The following SPIN1 variants were observed in gnomAD, a reference collection of about 807,000 sequenced individuals.
The protein encoded by SPIN1 is spindlin 1, also known as spindlin-1.
SPIN1 carries 3 observed loss-of-function variants against 26.0 expected under a neutral mutation model. The ratio of observed to expected loss-of-function variants is 0.12; its 90% confidence interval spans 0.05 to 0.30. The LOEUF is 0.30. SPIN1 is among the 10% of genes least tolerant of loss of function. The pLI is 1.00. For missense variants in SPIN1, 126 were observed against 333.4 expected, an observed-to-expected ratio of 0.38 and a Z score of 4.84; for synonymous variants, 101 against 116.5, an observed-to-expected ratio of 0.87 and a Z score of 0.86.
At chr9:88,392,571 GTCTCCTCTCC>G (rs532680299) in intron 1 of SPIN1, among the ~76,000 whole-genome samples, 8 of 151,946 alleles carry the variant, frequency 5.3e-5, no homozygotes, top group Non-Finnish European at 1.0e-4. Context: ...CTTGTTACCT[GTCTCCTCTCC>G]TCTCCTCTCT....
chr9:88,438,106 A>G (rs1419423821), intron 2 of SPIN1, among the ~76,000 whole-genome samples: 2 of 151,868 alleles, frequency 1.3e-5, no homozygotes, highest in Non-Finnish European at 2.9e-5. Context: ...CATCGAGATC[A>G]TGCTGCTGCA....
At chr9:88,398,662 G>A (rs1827121562) in intron 1 of SPIN1, among the ~76,000 whole-genome samples, 1 of 152,000 alleles carries the variant, frequency 6.6e-6, no homozygotes, top group Non-Finnish European at 1.5e-5. Context: ...CGCAACCTCC[G>A]CCTCGTGGGA....
chr9:88,403,171 C>G (rs910868163), intron 1 of SPIN1, among the ~76,000 whole-genome samples: 3 of 151,988 alleles, frequency 2.0e-5, no homozygotes, highest in African/African-American at 7.2e-5. Flanking sequence ...GAGCTTGTTG[C>G]ATATTCTGGA....
At chr9:88,429,449 C>T (rs1192484906) in intron 2 of SPIN1, among the ~76,000 whole-genome samples, 2 of 152,110 alleles carry the variant, frequency 1.3e-5, no homozygotes, top group Admixed American at 1.3e-4. Flanking sequence ...GTTTCCACAG[C>T]CCTGTCCCTG....
chr9:88,455,970 A>G (rs17054145), intron 3 of SPIN1, among the ~76,000 whole-genome samples: 4,061 of 152,288 alleles, frequency 0.027, 140 homozygotes, highest in African/African-American at 0.088. Flanking sequence ...CTTTTTCATG[A>G]TTTTTAATAC....
At chr9:88,463,966 G>C (rs955723188) in intron 4 of SPIN1, among the ~76,000 whole-genome samples, 1 of 152,246 alleles carries the variant, frequency 6.6e-6, no homozygotes, top group East Asian at 1.9e-4. Context: ...CTTCTGAGAC[G>C]ACAGCTAGCT....
At chr9:88,449,428 GT>G (rs564836588) in intron 3 of SPIN1, among the ~76,000 whole-genome samples, 202 of 152,220 alleles carry the variant, frequency 1.3e-3, no homozygotes, top group Non-Finnish European at 2.4e-3. Context: ...CATGCTCACT[GT>G]TTTATAGCAT....
intron 1 of SPIN1, chr9:88,411,269 A>C: frequency 8.5e-7 from 1 of 1,170,060 alleles, no homozygotes. Flanking sequence ...CTCCACCTCC[A>C]CAGTGGCATA....
Position 88,475,335 on chromosome 9 carries a change from TA to T in SPIN1, c.*61del. 1 of 1,546,618 alleles carries T rather than the reference TA, an allele frequency of 6.5e-7. No homozygotes were observed. Among genetic ancestry groups the T allele is most frequent in the Non-Finnish European group, 8.9e-7 (1 of 1,129,678 alleles). On this transcript the variant is annotated 3_prime_UTR_variant, in exon 6 of 6. Transcript: ENST00000375859. ...CTATGAAATGTATTATTTGTAGACATAAAGACTTGATTGCTTTCCAGTTTAA... is the reference window on the plus strand; with the variant it reads ...CTATGAAATGTATTATTTGTAGACATAAGACTTGATTGCTTTCCAGTTTAA...
intron 3 of SPIN1, among the ~76,000 whole-genome samples, chr9:88,456,534 A>G (rs1460138292): frequency 6.6e-6 from 1 of 152,238 alleles, no homozygotes; most frequent in African/African-American, 2.4e-5. Context: ...GCATTGGAAC[A>G]GAAGATGCTC....
At chr9:88,419,163 A>G (rs1031869220) in intron 1 of SPIN1, among the ~76,000 whole-genome samples, 8 of 152,148 alleles carry the variant, frequency 5.3e-5, no homozygotes, top group African/African-American at 1.9e-4. Context: ...ACTTCCTCTT[A>G]AAGCAGCCTT....
intron 1 of SPIN1, chr9:88,411,486 T>G (rs1418624877): frequency 8.6e-6 from 8 of 926,926 alleles, no homozygotes; most frequent in Non-Finnish European, 1.3e-5. Flanking sequence ...AAGAGAGACT[T>G]TAATGATGCT....
chr9:88,418,912 A>C (rs972395795), intron 1 of SPIN1: 1 of 152,214 alleles, frequency 6.6e-6, no homozygotes, highest in African/African-American at 2.4e-5. Context: ...TGAGGAGTGC[A>C]TGACACATAG....
Position 88,475,472 on chromosome 9 carries a change from T to C in SPIN1, c.*195T>C. 2.2e-6 allele frequency: 1 copy of C among 457,394 alleles called. No homozygotes were observed. Among genetic ancestry groups the C allele is most frequent in the Non-Finnish European group, 3.7e-6 (1 of 268,038 alleles). The allele number at this position is 457,394 out of a possible 1,614,324, so 28.3% of individuals were successfully genotyped here. ...AAGCATTTTGTGTAAGGAGAACCCC[T>C]TTCTTTTAAAAGAAGTCTGTCTATT... On this transcript the variant is annotated 3_prime_UTR_variant, in exon 6 of 6. Transcript: ENST00000375859.
At chr9:88,418,242 G>T (rs181907048) in intron 1 of SPIN1, among the ~76,000 whole-genome samples, 1 of 152,230 alleles carries the variant, frequency 6.6e-6, no homozygotes, top group Admixed American at 6.5e-5. Flanking sequence ...ACTTCCTGAG[G>T]CTATCCAGAA....
chr9:88,422,116 T>TA (rs925443544), intron 1 of SPIN1, among the ~76,000 whole-genome samples: 2 of 152,192 alleles, frequency 1.3e-5, no homozygotes, highest in African/African-American at 2.4e-5. Context: ...CCTGTGGAGT[T>TA]ACTTGTTTTG....
At chr9:88,430,695 T>TAA (rs970617078) in intron 2 of SPIN1, among the ~76,000 whole-genome samples, 1 of 152,190 alleles carries the variant, frequency 6.6e-6, no homozygotes, top group Non-Finnish European at 1.5e-5. Context: ...GAAAATAACT[T>TAA]ACGTTTATCT....
chr9:88,452,937 A>G (rs937358276), intron 3 of SPIN1, among the ~76,000 whole-genome samples: 2 of 152,190 alleles, frequency 1.3e-5, no homozygotes, highest in African/African-American at 2.4e-5. Flanking sequence ...CCTAGTATAC[A>G]GTGTATGACA....
chr9:88,435,934 A>C (rs1365903766), intron 2 of SPIN1, among the ~76,000 whole-genome samples: 1 of 152,176 alleles, frequency 6.6e-6, no homozygotes, highest in Non-Finnish European at 1.5e-5. Flanking sequence ...GGTATCCTTC[A>C]GTAACTTCCA....
Sources: allele counts gnomAD v4.1 joint callset (sites outside exome capture counted in the v4.1 genomes callset), GRCh38; gene constraint gnomAD v4.1.1; transcripts MANE v1.5; gene names NCBI Gene and HGNC (gene_info 2026-07-23, HGNC 2026-07-21).